RALYL: variants seen among roughly 807,000 people sequenced by gnomAD.
RALYL encodes the protein RALY RNA binding protein like, also known as RNA-binding Raly-like protein.
In RALYL, 29 loss-of-function variants were observed where a neutral mutation model predicts 35.1. The observed-to-expected ratio is 0.83, with a 90% confidence interval of 0.61 to 1.13. The LOEUF (loss-of-function observed/expected upper bound fraction) is 1.13, where lower values mean the gene tolerates loss of function less well. Among genes scored for constraint, RALYL ranks in the 50% most tolerant of loss-of-function variants. The pLI is 0.00. For synonymous variants in RALYL, 120 were observed against 127.6 expected (o/e 0.94, Z 0.40); for missense variants, 359 against 360.4 (o/e 1.00, Z 0.03).
intron 2 of RALYL, among the ~76,000 whole-genome samples, chr8:84,689,882 A>G (rs1438266996): frequency 6.6e-6 from 1 of 152,156 alleles, no homozygotes; most frequent in Non-Finnish European, 1.5e-5. Context: ...TCAAAAAGAC[A>G]AAAGATAGCA....
intron 2 of RALYL, among the ~76,000 whole-genome samples, chr8:84,653,346 A>G (rs1270426156): frequency 6.6e-6 from 1 of 152,080 alleles, no homozygotes; most frequent in Non-Finnish European, 1.5e-5. Context: ...GGCAAAAAGC[A>G]CCTACATGGC....
chr8:84,232,592 GT>G (rs1350417283), intron 1 of RALYL, among the ~76,000 whole-genome samples: 3 of 152,052 alleles, frequency 2.0e-5, no homozygotes, highest in Non-Finnish European at 2.9e-5. Flanking sequence ...GGCATTAAGT[GT>G]TCTCACCACA....
intron 2 of RALYL, among the ~76,000 whole-genome samples, chr8:84,695,825 A>G (rs1315701866): frequency 6.6e-6 from 1 of 151,856 alleles, no homozygotes; most frequent in Non-Finnish European, 1.5e-5. Context: ...TCTTAAATCA[A>G]CATATTCCAC....
intron 8 of RALYL, among the ~76,000 whole-genome samples, chr8:84,910,419 C>A (rs1382007586): frequency 1.3e-5 from 2 of 151,882 alleles, no homozygotes; most frequent in Non-Finnish European, 2.9e-5. Context: ...ACAGGGGTAC[C>A]TAAAATACAG....
intron 1 of RALYL, among the ~76,000 whole-genome samples, chr8:84,528,374 G>T (rs959961087): frequency 6.6e-6 from 1 of 152,046 alleles, no homozygotes; most frequent in Non-Finnish European, 1.5e-5. Flanking sequence ...AAGGAAGGAA[G>T]GAAGGAATTT....
chr8:84,680,015 C>G (rs1334908793), intron 2 of RALYL, among the ~76,000 whole-genome samples: 1 of 151,902 alleles, frequency 6.6e-6, no homozygotes, highest in Non-Finnish European at 1.5e-5. Context: ...CCCCACCCCA[C>G]GACAGGCCCC....
chr8:84,800,802 C>CTT, intron 3 of RALYL, among the ~76,000 whole-genome samples: 1 of 152,088 alleles, frequency 6.6e-6, no homozygotes, highest in East Asian at 1.9e-4. Flanking sequence ...CCTTCTTTTA[C>CTT]TTTTTTTTCA....
At chr8:84,458,337 G>A (rs1336471261) in intron 1 of RALYL, among the ~76,000 whole-genome samples, 1 of 151,692 alleles carries the variant, frequency 6.6e-6, no homozygotes, top group Non-Finnish European at 1.5e-5. Context: ...AACAATGAGG[G>A]CATAAAAGTA....
At chr8:84,706,714 A>T in intron 2 of RALYL, among the ~76,000 whole-genome samples, 1 of 152,152 alleles carries the variant, frequency 6.6e-6, no homozygotes, top group Non-Finnish European at 1.5e-5. Flanking sequence ...CAGAACAAAG[A>T]TTATTATGGA....
At chr8:84,844,206 T>C (rs2134663458) in intron 4 of RALYL, among the ~76,000 whole-genome samples, 1 of 152,260 alleles carries the variant, frequency 6.6e-6, no homozygotes, top group South Asian at 2.1e-4. Context: ...AGAAAATTTT[T>C]GCAACCTACT....
At chr8:84,711,397 A>G (rs1023514428) in intron 2 of RALYL, among the ~76,000 whole-genome samples, 4 of 152,224 alleles carry the variant, frequency 2.6e-5, no homozygotes, top group African/African-American at 9.6e-5. Context: ...CACTCTCCAT[A>G]CATGGCAAGG....
chr8:84,756,432 A>G (rs1245154998), intron 2 of RALYL, among the ~76,000 whole-genome samples: 1 of 152,124 alleles, frequency 6.6e-6, no homozygotes, highest in Non-Finnish European at 1.5e-5. Flanking sequence ...AATGATAATG[A>G]AATCCTAGTC....
intron 1 of RALYL, among the ~76,000 whole-genome samples, chr8:84,392,628 G>A (rs944117715): frequency 1.1e-4 from 16 of 151,990 alleles, no homozygotes; most frequent in Non-Finnish European, 2.1e-4. Flanking sequence ...ACTGTAAAGA[G>A]ACATCAGGAA....
intron 1 of RALYL, among the ~76,000 whole-genome samples, chr8:84,325,436 T>A (rs1348550058): frequency 6.6e-6 from 1 of 152,218 alleles, no homozygotes; most frequent in Non-Finnish European, 1.5e-5. Context: ...ACTCAACGCC[T>A]CTGGATTTTG....
chr8:84,398,048 A>G (rs530467823), intron 1 of RALYL, among the ~76,000 whole-genome samples: 23 of 152,348 alleles, frequency 1.5e-4, no homozygotes, highest in African/African-American at 5.3e-4. Flanking sequence ...AGATGCAACA[A>G]GAAGTGTTAA....
intron 1 of RALYL, among the ~76,000 whole-genome samples, chr8:84,281,655 T>A (rs1315895072): frequency 6.6e-6 from 1 of 152,138 alleles, no homozygotes; most frequent in African/African-American, 2.4e-5. Context: ...AAACTTTTCT[T>A]TTTCCTTCTT....
rs57178071 is a variant in RALYL, at chr8:84,371,386, A to G, written c.-23-157913A>G. 9.0e-3 allele frequency among the ~76,000 whole-genome samples: 1,374 copies of G among 152,148 alleles called. 31 individuals carry two copies. Among genetic ancestry groups the G allele is most frequent in the African/African-American group, 0.031 (1,280 of 41,548 alleles). Reference sequence around the variant, plus strand: ...CTCACTCTTTCTCCGTCACAAAAAAAGCCACAACAAAAAACTACTTGGAAC... The same window carrying G: ...CTCACTCTTTCTCCGTCACAAAAAAGGCCACAACAAAAAACTACTTGGAAC... On this transcript the variant is annotated intron_variant, in intron 1 of 8. Transcript: ENST00000521268.
chr8:84,554,260 C>A (rs2060946073), intron 2 of RALYL, among the ~76,000 whole-genome samples: 1 of 152,172 alleles, frequency 6.6e-6, no homozygotes, highest in Non-Finnish European at 1.5e-5. Context: ...ATTAGACTAT[C>A]ACACATTTAA....
intron 1 of RALYL, among the ~76,000 whole-genome samples, chr8:84,198,321 C>G (rs1319512128): frequency 1.3e-5 from 2 of 152,080 alleles, no homozygotes; most frequent in Non-Finnish European, 2.9e-5. Flanking sequence ...ATTTTATTCT[C>G]ACTGCTTCAT....
Sources: gnomAD v4.1 joint callset for allele counts (sites outside exome capture counted in the v4.1 genomes callset) on GRCh38, gnomAD v4.1.1 for gene constraint, MANE v1.5 for transcripts, NCBI Gene and HGNC (gene_info 2026-07-23, HGNC 2026-07-21) for gene names.